Variants in RRAS2 observed in about 807,000 individuals in gnomAD.
The protein encoded by RRAS2 is ras-related protein R-Ras2.
RRAS2 carries 7 observed loss-of-function variants against 27.6 expected under a neutral mutation model. The ratio of observed to expected loss-of-function variants is 0.25; its 90% CI spans 0.14 to 0.48. The LOEUF (loss-of-function observed/expected upper bound fraction) is 0.48. Among genes scored for constraint, RRAS2 ranks in the 20% least tolerant of loss-of-function variants. The pLI, the probability that RRAS2 is intolerant of heterozygous loss-of-function variation, is 0.99. For synonymous variants in RRAS2, 86 were observed against 90.9 expected (o/e 0.95, Z 0.31); for missense variants, 178 against 256.2 (o/e 0.69, Z 2.08).
At chr11:14,308,425 T>G in intron 1 of RRAS2, 1 of 257,056 alleles carries the variant, frequency 3.9e-6, no homozygotes, top group Non-Finnish European at 7.8e-6. Flanking sequence ...TTAAACCTCT[T>G]TCCTGGCTCT....
intron 1 of RRAS2, among the ~76,000 whole-genome samples, chr11:14,321,528 G>A (rs555581839): frequency 1.3e-5 from 2 of 152,262 alleles, no homozygotes; most frequent in South Asian, 4.2e-4. Context: ...GTGGGAGTGG[G>A]GAGAGCAGGG....
intron 1 of RRAS2, among the ~76,000 whole-genome samples, chr11:14,311,393 C>T (rs1186272286): frequency 1.3e-5 from 2 of 152,072 alleles, no homozygotes; most frequent in African/African-American, 4.8e-5. Context: ...TATTTTGAGA[C>T]AGAGTCTCTC....
chr11:14,279,670 T>C (rs1554944030), intron 5 of RRAS2, among the ~76,000 whole-genome samples: 1 of 152,220 alleles, frequency 6.6e-6, no homozygotes. Context: ...CTAGACTCAG[T>C]AATCTCTAAG....
At chr11:14,290,171 C>T (rs1346450699) in intron 4 of RRAS2, among the ~76,000 whole-genome samples, 1 of 152,198 alleles carries the variant, frequency 6.6e-6, no homozygotes, top group Non-Finnish European at 1.5e-5. Context: ...TAAAAACCGG[C>T]TGGGCGCAGA....
At chr11:14,344,627 G>A (rs1414234983) in intron 1 of RRAS2, among the ~76,000 whole-genome samples, 2 of 152,122 alleles carry the variant, frequency 1.3e-5, no homozygotes, top group South Asian at 2.1e-4. Flanking sequence ...CAACCACATC[G>A]TCATTAACCA....
intron 1 of RRAS2, among the ~76,000 whole-genome samples, chr11:14,326,041 T>C (rs184638288): frequency 1.0e-3 from 159 of 152,344 alleles, no homozygotes; most frequent in African/African-American, 3.5e-3. Context: ...TATTACAGAA[T>C]AGCATTCAGC....
At chr11:14,320,289 A>T (rs1244322251) in intron 1 of RRAS2, among the ~76,000 whole-genome samples, 1 of 152,254 alleles carries the variant, frequency 6.6e-6, no homozygotes, top group Non-Finnish European at 1.5e-5. Flanking sequence ...CAAGAGAGCA[A>T]GATATTTTTT....
At chr11:14,290,410 T>C (rs1334379737) in intron 4 of RRAS2, among the ~76,000 whole-genome samples, 2 of 152,064 alleles carry the variant, frequency 1.3e-5, no homozygotes, top group South Asian at 2.1e-4. Flanking sequence ...GATCGTGCCA[T>C]TGCACTCCAG....
chr11:14,294,605 A>G, intron 3 of RRAS2, 26 bp from the exon 4 acceptor site: 1 of 1,533,874 alleles, frequency 6.5e-7, no homozygotes, highest in African/African-American at 1.4e-5. Context: ...TCAAAAACAA[A>G]TTAATCAATT....
In RRAS2 at chr11:14,324,570, G is replaced by A. The variant is rs76846910; in HGVS notation, c.109-28715C>T. Among the ~76,000 whole-genome samples the A allele has an allele frequency of 2.2e-3, 338 of 152,204 alleles. 10 individuals carry two copies. In the East Asian group the frequency reaches 0.052, roughly 23 times the overall value. On this transcript the variant is annotated intron_variant, in intron 1 of 5. Transcript: ENST00000256196. ...CTGGGTTTTTCATAGAATTTGACAAGCTGAACCTAAAATTTATAAGCAAGA... is the reference window on the plus strand; with the variant it reads ...CTGGGTTTTTCATAGAATTTGACAAACTGAACCTAAAATTTATAAGCAAGA...
rs1386914176 is a variant in RRAS2, at chr11:14,364,372, C to T, written c.-124+19G>A. On this transcript the variant is annotated intron_variant, in intron 1 of 5. Coordinates refer to the RRAS2 transcript ENST00000529237. ...GCCAAAGAAGGCCAAGCCCCCAGAT[C>T]AGAGCCTGCAATACTTACCATGGGT... 4 of 1,535,868 alleles carry T rather than the reference C, an allele frequency of 2.6e-6. No individual in the cohort carries two copies. The African/African-American group carries it at 4.1e-5, about 16-fold the overall frequency.
At position 14,311,375 on chromosome 11, in the gene RRAS2, CTTTAT is replaced by C. The variant is rs544897662; in HGVS notation, c.109-15525_109-15521del. Among the ~76,000 whole-genome samples the C allele has an allele frequency of 3.8e-3, 575 of 152,102 alleles. 4 individuals carry two copies. The highest frequency in any genetic ancestry group is 0.013 in the African/African-American group (547 of 41,496). Reference sequence around the variant, plus strand: ...AAAATAAAAATAAAATAAAAAAGTACTTTATTTTATTTTGAGACAGAGTCTCTCCA... The same window carrying C: ...AAAATAAAAATAAAATAAAAAAGTACTTTATTTTGAGACAGAGTCTCTCCA... On this transcript the variant is annotated intron_variant, in intron 1 of 5. Transcript: ENST00000256196.
chr11:14,347,903 A>G (rs1848871924), intron 1 of RRAS2, among the ~76,000 whole-genome samples: 1 of 152,096 alleles, frequency 6.6e-6, no homozygotes, highest in Non-Finnish European at 1.5e-5. Flanking sequence ...AAACCACCAC[A>G]GAACACAGAA....
chr11:14,283,245 A>G (rs1463728068), intron 4 of RRAS2, among the ~76,000 whole-genome samples: 2 of 152,228 alleles, frequency 1.3e-5, no homozygotes, highest in Non-Finnish European at 2.9e-5. Flanking sequence ...TATCAAACCA[A>G]CAACCCATTG....
chr11:14,306,590 T>C (rs1847834925), intron 1 of RRAS2, among the ~76,000 whole-genome samples: 1 of 152,126 alleles, frequency 6.6e-6, no homozygotes, highest in Admixed American at 6.6e-5. Context: ...CTCTCCACAA[T>C]TCCAATTCCA....
rs1364883842 is a variant in RRAS2, at chr11:14,358,704, G to T, written c.108+59C>A. The T allele has an allele frequency of 8.9e-7, 1 of 1,118,260 alleles. No homozygotes were observed. Among genetic ancestry groups the T allele is most frequent in the Non-Finnish European group, 1.1e-6 (1 of 915,356 alleles). 69.3% of individuals were successfully genotyped at this position (1,118,260 alleles called of 1,614,324 possible). ...GGTCGCGGCGGCCGCCCCGCCACAG[G>T]TAGCGCCAGCCCCCGCCCGCCGCCG... On this transcript the variant is annotated intron_variant, in intron 1 of 5. Transcript: ENST00000256196. This position sits in a 1 kb window ranked among gnomAD's most constrained non-coding sequence, Gnocchi z 5.1.
intron 1 of RRAS2, among the ~76,000 whole-genome samples, chr11:14,324,315 A>G (rs542677783): frequency 2.1e-4 from 32 of 152,212 alleles, no homozygotes; most frequent in Non-Finnish European, 4.1e-4. Flanking sequence ...TAAGTCAAAT[A>G]AAAGACACCA....
At chr11:14,328,252 G>C (rs1453649000) in intron 1 of RRAS2, among the ~76,000 whole-genome samples, 5 of 151,098 alleles carry the variant, frequency 3.3e-5, no homozygotes, top group Admixed American at 6.6e-5. Flanking sequence ...TGTAATCCCA[G>C]CTACTCGGGA....
chr11:14,341,880 C>T, intron 1 of RRAS2: 1 of 451,304 alleles, frequency 2.2e-6, no homozygotes, highest in Non-Finnish European at 4.4e-6. Flanking sequence ...ATAATATTCC[C>T]CTCTCTCCTC....
Sources: gnomAD v4.1 joint callset for allele counts (sites outside exome capture counted in the v4.1 genomes callset) on GRCh38, gnomAD v4.1.1 for gene constraint, Gnocchi (gnomAD v3.1) non-coding constraint, MANE v1.5 for transcripts, NCBI Gene and HGNC (gene_info 2026-07-23, HGNC 2026-07-21) for gene names.